The following EXD3 variants were observed in gnomAD, a reference collection of about 807,000 sequenced individuals.
EXD3 encodes the protein exonuclease mut-7 homolog.
EXD3 carries 92 observed loss-of-function variants against 98.0 expected under a neutral mutation model. The ratio of observed to expected loss-of-function variants is 0.94; its 90% confidence interval spans 0.79 to 1.12. The LOEUF (loss-of-function observed/expected upper bound fraction) is 1.12. Ranked by LOEUF, EXD3 falls within the 50% of genes most tolerant of loss-of-function variation. EXD3 has a pLI of 0.00. For synonymous variants in EXD3, 569 were observed against 526.0 expected, an observed-to-expected ratio of 1.08 and a Z score of -1.12; for missense variants, 1,222 against 1,191.6, an observed-to-expected ratio of 1.03 and a Z score of -0.38.
At chr9:137,382,623 A>C (rs1266244173) in intron 3 of EXD3, among the ~76,000 whole-genome samples, 2 of 152,174 alleles carry the variant, frequency 1.3e-5, no homozygotes, top group African/African-American at 4.8e-5. Context: ...CAGACACAGG[A>C]GCAGGCAGCG....
rs540192818 is a variant in EXD3, at chr9:137,307,159, C to G, written c.2422G>C (p.Gly808Arg). The G allele has an allele frequency of 1.3e-6, 2 of 1,590,076 alleles. No individual in the cohort carries two copies. Among genetic ancestry groups the G allele is most frequent in the South Asian group, 1.1e-5 (1 of 88,348 alleles). Residue 808 changes from glycine to arginine, a missense_variant, in exon 22 of 22, where the codon GGC becomes CGC. Transcript: ENST00000340951. ...ACCCCTGCCAGCTGCAGCCGGGTGC[C>G]GTCGGCCAGCATGTCCGGTGTCTCC... ...RAETPDMLAD[G>R]TRLQLAGVPV...
chr9:137,352,706 G>GGC lies in EXD3; in HGVS notation c.949_950dup (p.Gln318ProfsTer40). 4 of 1,566,156 alleles carry GGC rather than the reference G, an allele frequency of 2.6e-6. No homozygotes were observed. The South Asian group carries it at 4.7e-5, about 18-fold the overall frequency. ...GCAGCAAGAGTTCCATGGCACACTGGGCGGCCGTGACTGGGTCACTGTGGG... is the reference window on the plus strand; with the variant it reads ...GCAGCAAGAGTTCCATGGCACACTGGGCGCGGCCGTGACTGGGTCACTGTGGG... On this transcript the variant is annotated frameshift_variant, in exon 11 of 22. Coordinates refer to ENST00000340951, the MANE Select transcript of EXD3 (RefSeq NM_017820.5). LOFTEE classifies it high-confidence loss of function.
intron 5 of EXD3, among the ~76,000 whole-genome samples, chr9:137,369,916 G>GC (rs1835503625): frequency 1.3e-5 from 2 of 152,236 alleles, no homozygotes; most frequent in Non-Finnish European, 2.9e-5. Context: ...GGCACCCGGG[G>GC]CCTCTTGAGG....
At position 137,373,589 on chromosome 9, in the gene EXD3, T is replaced by C. The variant is rs758380918; in HGVS notation, c.131A>G (p.Glu44Gly). Residue 44 changes from glutamate (E) to glycine (G), a missense_variant, in exon 4 of 22, where the codon GAA becomes GGA. By Grantham distance (98) the Glu-to-Gly change is moderately conservative (BLOSUM62 -2). Coordinates refer to ENST00000340951, the MANE Select transcript of EXD3 (RefSeq NM_017820.5). Reference protein sequence around the residue: ...STRERKQLREEAWRGFAALDD... With the variant: ...STRERKQLREGAWRGFAALDD... The stretch of plus-strand genomic sequence containing the variant: ...CAAGGCAGCAAACCCCCGCCAGGCT[T>C]CCTCCCGGAGCTGTGGAGACACAAA... 2.5e-6 allele frequency: 4 copies of C among 1,600,542 alleles called. No individual in the cohort carries two copies. The highest frequency in any genetic ancestry group is 2.2e-5 in the South Asian group (2 of 88,890).
At chr9:137,331,043 A>G (rs1250597166) in intron 17 of EXD3, among the ~76,000 whole-genome samples, 2 of 152,240 alleles carry the variant, frequency 1.3e-5, no homozygotes, top group Non-Finnish European at 2.9e-5. Context: ...AGCACATTAA[A>G]GCAATAATTC....
At chr9:137,313,938 G>C (rs996899131) in intron 19 of EXD3, among the ~76,000 whole-genome samples, 1 of 152,190 alleles carries the variant, frequency 6.6e-6, no homozygotes, top group Non-Finnish European at 1.5e-5. Context: ...CTAGGACTGT[G>C]TGCGGAGATC....
At chr9:137,414,466 C>A (rs1400644115) in intron 1 of EXD3, among the ~76,000 whole-genome samples, 2 of 151,846 alleles carry the variant, frequency 1.3e-5, no homozygotes, top group Non-Finnish European at 2.9e-5. Context: ...TCTGGGGACA[C>A]ACATTCCTAG....
chr9:137,314,413 T>A (rs9414733), intron 19 of EXD3, among the ~76,000 whole-genome samples: 130,095 of 152,178 alleles, frequency 0.85, 55,969 homozygotes, highest in East Asian at 1. Flanking sequence ...GCCGAGCCCC[T>A]GGCCCCTGGG....
At chr9:137,422,512 C>G (rs375160512) in intron 1 of EXD3, among the ~76,000 whole-genome samples, 2 of 152,144 alleles carry the variant, frequency 1.3e-5, no homozygotes, top group East Asian at 3.9e-4. Context: ...ACCTGCTCTC[C>G]GATGGGCTCT....
intron 19 of EXD3, among the ~76,000 whole-genome samples, chr9:137,321,544 G>A (rs562963975): frequency 7.3e-4 from 111 of 152,296 alleles, no homozygotes; most frequent in African/African-American, 2.6e-3. Flanking sequence ...TTAGCCGCCC[G>A]TGGTGGTGGG....
rs796527105 is a variant in EXD3, at chr9:137,330,499, GCTACACAGGA to G, written c.1999-6366_1999-6357del. Among the ~76,000 whole-genome samples, 3 of 103,356 alleles carry G rather than the reference GCTACACAGGA, an allele frequency of 2.9e-5. 1 individual carries two copies. Among genetic ancestry groups the G allele is most frequent in the African/African-American group, 1.0e-4 (3 of 29,256 alleles). 67.8% of individuals were successfully genotyped at this position (103,356 alleles called of 152,430 possible). On this transcript the variant is annotated intron_variant, in intron 17 of 21. Transcript: ENST00000340951. ...GGAGCTACACAGGAGCTACACAGGA[GCTACACAGGA>G]CTACGCAGGACCACACAGGAGCTAT...
At chr9:137,374,400 G>A (rs941420497) in intron 3 of EXD3, 3 of 268,884 alleles carry the variant, frequency 1.1e-5, no homozygotes, top group South Asian at 1.4e-4. Context: ...GGCCCAGGGA[G>A]GCTGCAAGCC....
At chr9:137,394,649 T>A (rs1226478013) in intron 2 of EXD3, among the ~76,000 whole-genome samples, 1 of 152,188 alleles carries the variant, frequency 6.6e-6, no homozygotes, top group Non-Finnish European at 1.5e-5. Context: ...GGAGAGAGGC[T>A]GCACCTCCCC....
chr9:137,313,942 G>T (rs1831497300), intron 19 of EXD3, among the ~76,000 whole-genome samples: 2 of 152,202 alleles, frequency 1.3e-5, no homozygotes, highest in South Asian at 4.1e-4. Flanking sequence ...GACTGTGTGC[G>T]GAGATCCTCA....
At chr9:137,402,173 G>A (rs112461312) in intron 1 of EXD3, among the ~76,000 whole-genome samples, 3 of 151,962 alleles carry the variant, frequency 2.0e-5, no homozygotes, top group Admixed American at 6.6e-5. Flanking sequence ...GTGCCACCAC[G>A]CCCGGCTAAT....
chr9:137,389,648 G>T (rs1836788329), intron 2 of EXD3, among the ~76,000 whole-genome samples: 1 of 151,892 alleles, frequency 6.6e-6, no homozygotes, highest in Non-Finnish European at 1.5e-5. Flanking sequence ...CGCTCGGAGC[G>T]AGAGGGACAG....
At position 137,349,773 on chromosome 9, in the gene EXD3, G is replaced by A. The variant is rs975803278; in HGVS notation, c.1495-242C>T. ...CGGGGGCCCTGGTCAGCAGTCCCAC[G>A]GTAACCCCGCCCAGCCCCTCACAGC... is the stretch of plus-strand genomic sequence containing the variant. On this transcript the variant is annotated intron_variant, in intron 14 of 21. Coordinates refer to ENST00000340951, the MANE Select transcript of EXD3 (RefSeq NM_017820.5). This position sits in a 1 kb window ranked among gnomAD's most constrained non-coding sequence, Gnocchi z 7.4. Among the ~76,000 whole-genome samples, 1 of 152,090 alleles carries A rather than the reference G, an allele frequency of 6.6e-6. No homozygotes were observed. Among genetic ancestry groups the A allele is most frequent in the Non-Finnish European group, 1.5e-5 (1 of 67,988 alleles).
Position 137,352,600 on chromosome 9 carries a change from G to T in EXD3, c.1037+20C>A. 1 of 1,523,116 alleles carries T rather than the reference G, an allele frequency of 6.6e-7. No individual in the cohort carries two copies. The highest frequency in any genetic ancestry group is 1.2e-5 in the South Asian group (1 of 81,548). The allele number at this position is 1,523,116 out of a possible 1,614,324, so 94.4% of individuals were successfully genotyped here. On this transcript the variant is annotated intron_variant, in intron 11 of 21. Coordinates refer to ENST00000340951, the MANE Select transcript of EXD3 (RefSeq NM_017820.5). ...TGGGCGGAACCCACCCCTGGCTGGG[G>T]TCACCCTGGCGGCGCTCACCTCCCC...
At chr9:137,309,241 G>A (rs1831232115) in intron 20 of EXD3, among the ~76,000 whole-genome samples, 1 of 152,178 alleles carries the variant, frequency 6.6e-6, no homozygotes, top group South Asian at 2.1e-4. Flanking sequence ...GGACATCTGG[G>A]GTCAGCTAGT....
Sources: allele counts gnomAD v4.1 joint callset (sites outside exome capture counted in the v4.1 genomes callset), GRCh38; gene constraint gnomAD v4.1.1; non-coding constraint Gnocchi (gnomAD v3.1); transcripts MANE v1.5; gene names NCBI Gene and HGNC (gene_info 2026-07-23, HGNC 2026-07-21).